The following STAU2 variants were observed in gnomAD, a reference collection of about 807,000 sequenced individuals.
STAU2 encodes double-stranded RNA-binding protein Staufen homolog 2.
Under a neutral mutation model 65.9 loss-of-function variants are expected in STAU2, and 20 were observed. The observed-to-expected ratio is 0.30, with a 90% CI of 0.21 to 0.44. The LOEUF is 0.44. STAU2 is among the 20% of genes least tolerant of loss of function. The pLI is 1.00. For missense variants in STAU2, 558 were observed against 683.9 expected (o/e 0.82, Z 2.05); for synonymous variants, 232 against 233.9 (o/e 0.99, Z 0.07).
At chr8:73,596,268 G>A (rs182783140) in intron 10 of STAU2, among the ~76,000 whole-genome samples, 3 of 152,154 alleles carry the variant, frequency 2.0e-5, no homozygotes, top group African/African-American at 7.2e-5. Context: ...GCACAATGTT[G>A]CTTTGAAAAT....
chr8:73,654,683 CTTTT>C (rs764223379), intron 6 of STAU2, among the ~76,000 whole-genome samples: 3 of 62,950 alleles, frequency 4.8e-5, no homozygotes, highest in South Asian at 8.8e-4. Flanking sequence ...ATTATCAAAC[CTTTT>C]TTTTTTTTTT....
intron 13 of STAU2, among the ~76,000 whole-genome samples, chr8:73,427,375 T>C (rs1179163260): frequency 6.6e-6 from 1 of 152,186 alleles, no homozygotes; most frequent in African/African-American, 2.4e-5. Context: ...TTTGTCATCT[T>C]TTGGCCCCAC....
At chr8:73,694,691 AG>A (rs2130564058) in intron 4 of STAU2, among the ~76,000 whole-genome samples, 1 of 152,356 alleles carries the variant, frequency 6.6e-6, no homozygotes, top group South Asian at 2.1e-4. Flanking sequence ...TATTGCCAAA[AG>A]AGGCATTGAG....
intron 13 of STAU2, among the ~76,000 whole-genome samples, chr8:73,543,860 A>G (rs1488807146): frequency 2.0e-5 from 3 of 152,272 alleles, no homozygotes; most frequent in African/African-American, 4.8e-5. Context: ...GGCTTCAGTT[A>G]TATCTATACA....
At chr8:73,708,315 C>A (rs369568523) in intron 4 of STAU2, among the ~76,000 whole-genome samples, 1 of 152,126 alleles carries the variant, frequency 6.6e-6, no homozygotes, top group African/African-American at 2.4e-5. Flanking sequence ...ATTTTATGAT[C>A]ATTATGATAA....
intron 13 of STAU2, chr8:73,439,137 G>C (rs1817933671): frequency 2.3e-6 from 1 of 428,824 alleles, no homozygotes. Context: ...TTCGTGGGGA[G>C]AAAATCACTA....
chr8:73,610,789 A>C (rs1382312788), intron 9 of STAU2, among the ~76,000 whole-genome samples: 2 of 152,228 alleles, frequency 1.3e-5, no homozygotes, highest in African/African-American at 4.8e-5. Context: ...GAATGTAAAC[A>C]CAAAGACATT....
At chr8:73,463,326 A>T (rs1370954785) in intron 13 of STAU2, among the ~76,000 whole-genome samples, 1 of 152,214 alleles carries the variant, frequency 6.6e-6, no homozygotes, top group Non-Finnish European at 1.5e-5. Context: ...AATACAAATT[A>T]AAAACACTTT....
intron 6 of STAU2, among the ~76,000 whole-genome samples, chr8:73,654,974 C>T (rs1401201563): frequency 3.9e-5 from 6 of 152,096 alleles, no homozygotes; most frequent in South Asian, 2.1e-4. Context: ...CGTGAGCCAC[C>T]GCGCCCGGCC....
At chr8:73,635,437 A>G (rs1469696234) in intron 6 of STAU2, among the ~76,000 whole-genome samples, 1 of 152,218 alleles carries the variant, frequency 6.6e-6, no homozygotes, top group Non-Finnish European at 1.5e-5. Flanking sequence ...TGAAATAGCT[A>G]AAATGCCACT....
intron 13 of STAU2, among the ~76,000 whole-genome samples, chr8:73,549,270 A>C (rs1276809948): frequency 6.6e-6 from 1 of 152,202 alleles, no homozygotes; most frequent in Non-Finnish European, 1.5e-5. Context: ...AATATAAATA[A>C]AACGTATTAA....
intron 10 of STAU2, among the ~76,000 whole-genome samples, chr8:73,601,689 A>C (rs1811639324): frequency 6.6e-6 from 1 of 152,230 alleles, no homozygotes; most frequent in Non-Finnish European, 1.5e-5. Context: ...GAAAACATTT[A>C]AAAGCACAGC....
chr8:73,545,947 C>T (rs531095442), intron 13 of STAU2, among the ~76,000 whole-genome samples: 81 of 150,650 alleles, frequency 5.4e-4, no homozygotes, highest in African/African-American at 1.4e-3. Flanking sequence ...ACACCTGGCC[C>T]TATTGATTTT....
At chr8:73,488,358 C>T (rs1585861160) in intron 13 of STAU2, among the ~76,000 whole-genome samples, 1 of 151,904 alleles carries the variant, frequency 6.6e-6, no homozygotes, top group East Asian at 1.9e-4. Context: ...AGACCAAATT[C>T]ACCATAAAAT....
rs542122463 is a variant in STAU2, at chr8:73,495,221, T to C, written c.1530+56791A>G. Among the ~76,000 whole-genome samples the C allele has an allele frequency of 1.5e-4, 22 of 151,694 alleles. No individual in the cohort carries two copies. The East Asian group carries it at 3.7e-3, about 25-fold the overall frequency. On this transcript the variant is annotated intron_variant, in intron 13 of 14. Transcript: ENST00000524300. ...TGTAAGGAAACTGATATATTCAAAT[T>C]AGAAGTGAGTTGGTCTCTCCAAAGG...
At chr8:73,639,094 C>A (rs1332831151) in intron 6 of STAU2, among the ~76,000 whole-genome samples, 1 of 151,978 alleles carries the variant, frequency 6.6e-6, no homozygotes, top group Non-Finnish European at 1.5e-5. Flanking sequence ...AACAAACCCA[C>A]AAATTCTTGT....
At chr8:73,711,195 CA>C (rs1265323254) in intron 3 of STAU2, among the ~76,000 whole-genome samples, 1 of 93,074 alleles carries the variant, frequency 1.1e-5, no homozygotes, top group East Asian at 3.6e-4. Flanking sequence ...ACAAAAAAGA[CA>C]AAAGTCAAGA....
chr8:73,625,128 G>A (rs1813540381), intron 6 of STAU2, among the ~76,000 whole-genome samples: 1 of 152,074 alleles, frequency 6.6e-6, no homozygotes, highest in South Asian at 2.1e-4. Flanking sequence ...ATGTAAAATG[G>A]TGCAGTTGCT....
chr8:73,705,713 G>A (rs889983448), intron 4 of STAU2, among the ~76,000 whole-genome samples: 1 of 151,998 alleles, frequency 6.6e-6, no homozygotes, highest in African/African-American at 2.4e-5. Context: ...AAGAAGACAA[G>A]GCAAAGACTA....
Sources: allele counts gnomAD v4.1 joint callset (sites outside exome capture counted in the v4.1 genomes callset), GRCh38; gene constraint gnomAD v4.1.1; transcripts MANE v1.5; gene names NCBI Gene and HGNC (gene_info 2026-07-23, HGNC 2026-07-21).